The following PHLPP1 variants were observed in gnomAD, a reference collection of about 807,000 sequenced individuals.
The protein encoded by PHLPP1 is PH domain and leucine rich repeat protein phosphatase 1.
In PHLPP1, 42 loss-of-function variants were observed where a neutral mutation model predicts 117.2. The observed-to-expected ratio is 0.36, with a 90% CI of 0.28 to 0.46. The LOEUF is 0.46. Ranked by LOEUF, PHLPP1 falls within the 20% of genes least tolerant of loss-of-function variation. PHLPP1 has a pLI of 1.00. For missense variants in PHLPP1, 2,084 were observed against 2,241.9 expected (o/e 0.93, Z 1.42); for synonymous variants, 1,042 against 970.7 (o/e 1.07, Z -1.37).
chr18:62,860,159 T>C (rs968694613), intron 3 of PHLPP1, among the ~76,000 whole-genome samples: 1 of 152,140 alleles, frequency 6.6e-6, no homozygotes, highest in Non-Finnish European at 1.5e-5. Flanking sequence ...TAGAAGGCAG[T>C]GTGTTGTGCT....
chr18:62,972,721 G>A lies in PHLPP1; in HGVS notation c.3755+13G>A. The A allele has an allele frequency of 1.3e-6, 2 of 1,586,216 alleles. No individual in the cohort carries two copies. The highest frequency in any genetic ancestry group is 1.7e-6 in the Non-Finnish European group (2 of 1,156,022). On this transcript the variant is annotated intron_variant, in intron 15 of 16. Transcript: ENST00000262719. ...TTGTCATGCAAAGGTAAAACTCAGA[G>A]TTCCTGCTTACCTGCTGTGTGTTTT...
chr18:62,724,263 T>C (rs1206752508), intron 1 of PHLPP1, among the ~76,000 whole-genome samples: 1 of 152,240 alleles, frequency 6.6e-6, no homozygotes, highest in African/African-American at 2.4e-5. Flanking sequence ...CATAGTCTAG[T>C]TCATCAAGTT....
chr18:62,747,442 C>T (rs771959879), intron 1 of PHLPP1, among the ~76,000 whole-genome samples: 29 of 151,696 alleles, frequency 1.9e-4, no homozygotes, highest in Admixed American at 1.4e-3. Context: ...AGCGCCCAGC[C>T]GATTTTTGTC....
intron 1 of PHLPP1, among the ~76,000 whole-genome samples, chr18:62,729,184 G>C (rs1911162256): frequency 6.6e-6 from 1 of 152,170 alleles, no homozygotes; most frequent in South Asian, 2.1e-4. Flanking sequence ...ATGGTCTATT[G>C]ACCAATTCTT....
Position 62,940,947 on chromosome 18 carries a change from C to T in PHLPP1, c.2961-771C>T, listed in dbSNP as rs528601535. 7.9e-5 allele frequency among the ~76,000 whole-genome samples: 12 copies of T among 152,330 alleles called. No individual in the cohort carries two copies. The East Asian group carries it at 1.7e-3, about 22-fold the overall frequency. ...GTTACTGCCATCCTGACTTCTGTTA[C>T]TACAGAGTAATTTTGCCTGACTTTG... On this transcript the variant is annotated intron_variant, in intron 10 of 16. Coordinates refer to ENST00000262719, the MANE Select transcript of PHLPP1 (RefSeq NM_194449.4).
chr18:62,749,205 T>C (rs1911769502), intron 1 of PHLPP1, among the ~76,000 whole-genome samples: 1 of 151,932 alleles, frequency 6.6e-6, no homozygotes, highest in Admixed American at 6.5e-5. Context: ...AAAGGCTTGC[T>C]GGTATTCTAA....
Position 62,871,586 on chromosome 18 carries a change from C to T in PHLPP1, c.2066+10985C>T, listed in dbSNP as rs149881644. On this transcript the variant is annotated intron_variant, in intron 4 of 16. Coordinates refer to ENST00000262719, the MANE Select transcript of PHLPP1 (RefSeq NM_194449.4). ...CAGGTGATCTGACTGCCTCGGCCTC[C>T]GAAAGTGCTGGGATTACAGGCGTGA... Among the ~76,000 whole-genome samples, 25 of 151,650 alleles carry T rather than the reference C, an allele frequency of 1.6e-4. No homozygotes were observed. The East Asian group carries it at 2.3e-3, about 14-fold the overall frequency.
intron 14 of PHLPP1, among the ~76,000 whole-genome samples, chr18:62,968,908 T>C (rs1202250886): frequency 6.6e-6 from 1 of 152,200 alleles, no homozygotes; most frequent in Non-Finnish European, 1.5e-5. Flanking sequence ...GTTGGTAATT[T>C]GTGTTTTCTT....
chr18:62,784,452 A>G (rs1179969752), intron 1 of PHLPP1, among the ~76,000 whole-genome samples: 2 of 152,198 alleles, frequency 1.3e-5, no homozygotes, highest in Non-Finnish European at 2.9e-5. Flanking sequence ...AACTCATGGT[A>G]GGTTTTGTAG....
chr18:62,886,036 G>A (rs1408122704), intron 4 of PHLPP1, among the ~76,000 whole-genome samples: 1 of 152,168 alleles, frequency 6.6e-6, no homozygotes. Context: ...GAAGGAAAAG[G>A]TAGGAACACT....
At chr18:62,723,025 C>G (rs1910969861) in intron 1 of PHLPP1, among the ~76,000 whole-genome samples, 1 of 152,138 alleles carries the variant, frequency 6.6e-6, no homozygotes, top group Non-Finnish European at 1.5e-5. Flanking sequence ...AAGGCATAAC[C>G]ATTTTGTAAT....
rs1293102574 is a variant in PHLPP1 at position 62,979,229 on chromosome 18, A to G, written c.4952A>G (p.Tyr1651Cys). 4 of 1,605,700 alleles carry G rather than the reference A, an allele frequency of 2.5e-6. No homozygotes were observed. Among genetic ancestry groups the G allele is most frequent in the East Asian group, 4.5e-5 (2 of 44,558 alleles). Residue 1651 changes from tyrosine to cysteine, a missense_variant, in exon 17 of 17, where the codon TAT becomes TGT. Physicochemically the swap from Tyr to Cys is radical, Grantham distance 194. Coordinates refer to ENST00000262719, the MANE Select transcript of PHLPP1 (RefSeq NM_194449.4). ...TDAPLRKPGG[Y>C]FAAPAQPDPD... ...GCACCTCTTCGAAAGCCTGGAGGCT[A>G]TTTTGCTGCCCCGGCTCAGCCGGAT... is the stretch of plus-strand genomic sequence containing the variant.
chr18:62,875,922 G>A (rs1025234742), intron 4 of PHLPP1, among the ~76,000 whole-genome samples: 4 of 151,796 alleles, frequency 2.6e-5, no homozygotes, highest in African/African-American at 7.3e-5. Flanking sequence ...TAGTAAAGAC[G>A]GGGTTTCACC....
At chr18:62,820,267 C>T (rs1226074985) in intron 1 of PHLPP1, among the ~76,000 whole-genome samples, 3 of 152,198 alleles carry the variant, frequency 2.0e-5, no homozygotes, top group African/African-American at 7.2e-5. Context: ...CAATGTCTTT[C>T]TCTCAATCTT....
chr18:62,893,080 C>T (rs1225133006), intron 4 of PHLPP1, among the ~76,000 whole-genome samples: 9 of 149,542 alleles, frequency 6.0e-5, no homozygotes, highest in Non-Finnish European at 8.9e-5. Flanking sequence ...CTCGCTCTAT[C>T]GCCCAGGCTG....
At chr18:62,781,226 C>T (rs890968089) in intron 1 of PHLPP1, among the ~76,000 whole-genome samples, 4 of 152,108 alleles carry the variant, frequency 2.6e-5, no homozygotes. Context: ...ATATAAAGTG[C>T]TCCGTAGATA....
At chr18:62,852,325 A>G (rs1337843338) in intron 3 of PHLPP1, among the ~76,000 whole-genome samples, 8 of 152,220 alleles carry the variant, frequency 5.3e-5, no homozygotes, top group Middle Eastern at 3.4e-3. Context: ...ATGAAGATAT[A>G]TGATGTAATT....
chr18:62,760,428 G>GCAATCA (rs1568106286), intron 1 of PHLPP1, among the ~76,000 whole-genome samples: 1 of 152,178 alleles, frequency 6.6e-6, no homozygotes, highest in African/African-American at 2.4e-5. Context: ...TATTCGATTA[G>GCAATCA]GTTTTCTACC....
At chr18:62,894,978 T>C (rs772396827) in intron 4 of PHLPP1, 33 bp from the exon 5 acceptor site, 4 of 1,526,336 alleles carry the variant, frequency 2.6e-6, no homozygotes, top group Non-Finnish European at 3.6e-6. Flanking sequence ...CATTTGTCTC[T>C]TTTTTCCCTT....
Sources: allele counts gnomAD v4.1 joint callset (sites outside exome capture counted in the v4.1 genomes callset), GRCh38; gene constraint gnomAD v4.1.1; transcripts MANE v1.5; gene names NCBI Gene and HGNC (gene_info 2026-07-23, HGNC 2026-07-21).